GRIK4: variants seen among roughly 807,000 people sequenced by gnomAD.
GRIK4 encodes glutamate receptor ionotropic, kainate 4.
GRIK4 carries 40 observed loss-of-function variants against 104.9 expected under a neutral mutation model. The observed-to-expected ratio is 0.38, with a 90% CI of 0.30 to 0.50. The LOEUF is 0.50. Ranked by LOEUF, GRIK4 falls within the 20% of genes least tolerant of loss-of-function variation. The pLI, the probability that GRIK4 is intolerant of heterozygous loss-of-function variation, is 0.93. For synonymous variants in GRIK4, 485 were observed against 524.9 expected (o/e 0.92, Z 1.04); for missense variants, 1,047 against 1,308.1 (o/e 0.80, Z 3.08).
chr11:120,705,676 T>G (rs1950618979), intron 3 of GRIK4, among the ~76,000 whole-genome samples: 2 of 152,270 alleles, frequency 1.3e-5, no homozygotes, highest in Admixed American at 1.3e-4. Context: ...GAGTCGTCTT[T>G]AATTTCTTTC....
At chr11:120,850,795 A>ACAT (rs1467076479) in intron 8 of GRIK4, among the ~76,000 whole-genome samples, 1 of 93,818 alleles carries the variant, frequency 1.1e-5, no homozygotes, top group Non-Finnish European at 2.1e-5. Flanking sequence ...ATGGCAAATC[A>ACAT]CATTATTATT....
At chr11:120,907,753 C>T (rs1307503856) in intron 13 of GRIK4, among the ~76,000 whole-genome samples, 1 of 152,002 alleles carries the variant, frequency 6.6e-6, no homozygotes, top group Non-Finnish European at 1.5e-5. Flanking sequence ...GTAGGATGCA[C>T]GGTGGGCGCA....
intron 1 of GRIK4, among the ~76,000 whole-genome samples, chr11:120,617,748 CCTT>C (rs1261265401): frequency 6.6e-6 from 1 of 152,166 alleles, no homozygotes; most frequent in Non-Finnish European, 1.5e-5. Context: ...GCTCACTCCT[CCTT>C]TGCCTTTGGC....
intron 11 of GRIK4, among the ~76,000 whole-genome samples, chr11:120,888,413 G>C (rs961393970): frequency 6.6e-6 from 1 of 152,114 alleles, no homozygotes; most frequent in African/African-American, 2.4e-5. Flanking sequence ...ATGTGGTTGG[G>C]AAGATTAGAT....
intron 1 of GRIK4, among the ~76,000 whole-genome samples, chr11:120,629,018 G>A (rs1413880677): frequency 6.6e-6 from 1 of 152,200 alleles, no homozygotes; most frequent in East Asian, 1.9e-4. Context: ...ACCGAGCAAG[G>A]CGGCAGAAGG....
chr11:120,664,865 G>T (rs1458755363), intron 3 of GRIK4, among the ~76,000 whole-genome samples: 3 of 152,194 alleles, frequency 2.0e-5, no homozygotes, highest in Admixed American at 1.3e-4. Context: ...GGGAAGTTCT[G>T]CTCAGCATGG....
rs113962104 is a variant in GRIK4, at chr11:120,866,290, G to A, written c.906+4170G>A. Among the ~76,000 whole-genome samples the A allele has an allele frequency of 5.8e-3, 879 of 152,282 alleles. 6 individuals are homozygous for A. Among genetic ancestry groups the A allele is most frequent in the South Asian group, 0.026 (126 of 4,812 alleles). ...CGGCATATGTTACTCTCATGGAAGC[G>A]GAGGAAAGCCCCTGAGTTCTTCCTG... On this transcript the variant is annotated intron_variant, in intron 9 of 20. Transcript: ENST00000527524.
At chr11:120,692,908 T>A (rs907953092) in intron 3 of GRIK4, among the ~76,000 whole-genome samples, 1 of 151,392 alleles carries the variant, frequency 6.6e-6, no homozygotes, top group Non-Finnish European at 1.5e-5. Context: ...ATTTTTGTAT[T>A]TTTAGTAGAG....
intron 1 of GRIK4, among the ~76,000 whole-genome samples, chr11:120,568,179 A>AAAAC (rs111560643): frequency 6.4e-4 from 98 of 152,276 alleles, no homozygotes; most frequent in African/African-American, 1.9e-3. Context: ...CCTTGCCTCA[A>AAAAC]AAACAAACAA....
intron 1 of GRIK4, among the ~76,000 whole-genome samples, chr11:120,541,764 C>T (rs1390014035): frequency 1.3e-5 from 2 of 152,082 alleles, no homozygotes; most frequent in African/African-American, 2.4e-5. Context: ...GTTGAGATTA[C>T]AGGCATGAGC....
chr11:120,512,403 C>T (rs1220759276), intron 1 of GRIK4, among the ~76,000 whole-genome samples: 1 of 151,764 alleles, frequency 6.6e-6, no homozygotes, highest in Non-Finnish European at 1.5e-5. Flanking sequence ...TCCCACCAAG[C>T]CCCCTCCCCC....
At chr11:120,979,383 T>C (rs970251342) in intron 19 of GRIK4, among the ~76,000 whole-genome samples, 1 of 152,228 alleles carries the variant, frequency 6.6e-6, no homozygotes, top group Non-Finnish European at 1.5e-5. Context: ...TAACTGTTTC[T>C]TGCCACTCAG....
intron 1 of GRIK4, among the ~76,000 whole-genome samples, chr11:120,530,165 C>T (rs2136080514): frequency 6.6e-6 from 1 of 152,350 alleles, no homozygotes; most frequent in East Asian, 1.9e-4. Flanking sequence ...ACAAATAGCC[C>T]TGTGGTCCCA....
chr11:120,613,177 C>T (rs963312032), intron 1 of GRIK4, among the ~76,000 whole-genome samples: 5 of 152,202 alleles, frequency 3.3e-5, no homozygotes, highest in Non-Finnish European at 5.9e-5. Context: ...AAGTTCACAG[C>T]TGAGCCCAGC....
chr11:120,741,748 A>T (rs547760743), intron 3 of GRIK4, among the ~76,000 whole-genome samples: 2 of 152,222 alleles, frequency 1.3e-5, no homozygotes, highest in Admixed American at 6.5e-5. Context: ...GGATATCAGT[A>T]TACATGCACG....
intron 1 of GRIK4, among the ~76,000 whole-genome samples, chr11:120,644,534 C>T (rs1949516913): frequency 6.6e-6 from 1 of 152,178 alleles, no homozygotes; most frequent in South Asian, 2.1e-4. Flanking sequence ...TGGAACTCAG[C>T]CTTCCAGAAG....
chr11:120,637,996 C>T (rs1949420960), intron 1 of GRIK4, among the ~76,000 whole-genome samples: 1 of 152,134 alleles, frequency 6.6e-6, no homozygotes, highest in Admixed American at 6.5e-5. Context: ...TCTCCTGTCT[C>T]AGCCTCCTGA....
At chr11:120,724,617 T>C (rs1451349442) in intron 3 of GRIK4, among the ~76,000 whole-genome samples, 1 of 152,246 alleles carries the variant, frequency 6.6e-6, no homozygotes, top group Non-Finnish European at 1.5e-5. Context: ...CCAAGACTTT[T>C]GCATGTTCTG....
chr11:120,572,383 G>A (rs565497447), intron 1 of GRIK4, among the ~76,000 whole-genome samples: 21 of 152,236 alleles, frequency 1.4e-4, no homozygotes, highest in Admixed American at 5.9e-4. Context: ...CATCTGAATC[G>A]GGCAGGTCAG....
Sources: gnomAD v4.1 joint callset for allele counts (sites outside exome capture counted in the v4.1 genomes callset) on GRCh38, gnomAD v4.1.1 for gene constraint, MANE v1.5 for transcripts, NCBI Gene and HGNC (gene_info 2026-07-23, HGNC 2026-07-21) for gene names.